SPINK13: variants seen among roughly 807,000 people sequenced by gnomAD.
SPINK13 encodes the protein serine peptidase inhibitor Kazal type 13, also known as serine protease inhibitor Kazal-type 13.
In SPINK13, 11 loss-of-function variants were observed where a neutral mutation model predicts 11.0. The observed-to-expected ratio is 1.00, with a 90% CI of 0.63 to 1.65. SPINK13 has a LOEUF of 1.65. Among genes scored for constraint, SPINK13 ranks in the 40% most tolerant of loss-of-function variants. The pLI, the probability that SPINK13 is intolerant of heterozygous loss-of-function variation, is 0.00. For missense variants in SPINK13, 113 were observed against 117.7 expected (o/e 0.96, Z 0.19); for synonymous variants, 31 against 35.6 (o/e 0.87, Z 0.46).
rs371124351 is a variant in SPINK13, at chr5:148,282,197, T to C, written c.202T>C (p.Phe68Leu). The C allele has an allele frequency of 1.2e-5, 20 of 1,614,100 alleles. No individual in the cohort carries two copies. The highest frequency in any genetic ancestry group is 1.7e-5 in the Non-Finnish European group (20 of 1,180,046). ...APVCASNGHT[F>L]QNECFFCVEQ... The stretch of plus-strand genomic sequence containing the variant: ...TGTTTGTGCCTCAAATGGCCACACT[T>C]TCCAGAATGAGTGTTTCTTTTGTGT... Residue 68 changes from phenylalanine (F) to leucine (L), a missense_variant, in exon 4 of 5, where the codon TTC (phenylalanine) becomes CTC (leucine). Coordinates refer to ENST00000398450, the MANE Select transcript of SPINK13 (RefSeq NM_001040129.3).
At chr5:148,282,323 G>A in intron 4 of SPINK13, 92 bp downstream of exon 4, 1 of 1,469,098 alleles carries the variant, frequency 6.8e-7, no homozygotes, top group Admixed American at 2.1e-5. Context: ...TTTTACTGAT[G>A]CATACTTTTT....
At chr5:148,285,960 T>A (rs376107635) in intron 4 of SPINK13, 40 bp from the exon 5 acceptor site, 2 of 1,240,642 alleles carry the variant, frequency 1.6e-6, no homozygotes, top group Admixed American at 4.8e-5. Flanking sequence ...ATGTTCACTT[T>A]CCTTATGATA....
At chr5:148,276,905 T>G (rs1245456468) in intron 3 of SPINK13, among the ~76,000 whole-genome samples, 1 of 152,236 alleles carries the variant, frequency 6.6e-6, no homozygotes. Flanking sequence ...TTCCTATCCA[T>G]GAGTATGGGA....
intron 3 of SPINK13, among the ~76,000 whole-genome samples, chr5:148,276,535 C>T (rs1756432279): frequency 6.6e-6 from 1 of 152,178 alleles, no homozygotes; most frequent in South Asian, 2.1e-4. Context: ...GTTTTCCCAA[C>T]ACCATTTATT....
intron 3 of SPINK13, 35 bp from the exon 4 acceptor site, chr5:148,282,069 A>T (rs1756523663): frequency 6.2e-7 from 1 of 1,610,738 alleles, no homozygotes; most frequent in Non-Finnish European, 8.5e-7. Context: ...GAGAGAGTGT[A>T]TTATTTGTCA....
chr5:148,275,592 C>T (rs1756413250), intron 3 of SPINK13, among the ~76,000 whole-genome samples: 1 of 152,138 alleles, frequency 6.6e-6, no homozygotes, highest in Non-Finnish European at 1.5e-5. Context: ...CTAATTTACA[C>T]TCCCACCAAC....
chr5:148,272,824 TTATTC>T (rs1756370433), intron 2 of SPINK13, among the ~76,000 whole-genome samples: 1 of 152,228 alleles, frequency 6.6e-6, no homozygotes, highest in Admixed American at 6.5e-5. Context: ...CTATATATTC[TTATTC>T]TAAAGACAAA....
At chr5:148,280,101 T>A (rs1835913) in intron 3 of SPINK13, among the ~76,000 whole-genome samples, 8,576 of 152,160 alleles carry the variant, frequency 0.056, 795 homozygotes, top group African/African-American at 0.2. Context: ...GTATGCTTCA[T>A]GAAGTTCTCA....
intron 3 of SPINK13, among the ~76,000 whole-genome samples, chr5:148,276,491 G>T (rs1346008527): frequency 6.6e-6 from 1 of 152,086 alleles, no homozygotes; most frequent in East Asian, 1.9e-4. Context: ...GTAAGGAAGG[G>T]GTCCAGTTTC....
At chr5:148,272,447 C>A (rs183911564) in intron 2 of SPINK13, among the ~76,000 whole-genome samples, 1 of 152,066 alleles carries the variant, frequency 6.6e-6, no homozygotes, top group East Asian at 1.9e-4. Context: ...TTCCAGAAGC[C>A]CAATTGTTTT....
chr5:148,269,804 C>T (rs1460666279), intron 1 of SPINK13, among the ~76,000 whole-genome samples: 1 of 151,816 alleles, frequency 6.6e-6, no homozygotes, highest in East Asian at 1.9e-4. Flanking sequence ...TCTTCCAGGC[C>T]AGAACTGTGA....
intron 2 of SPINK13, among the ~76,000 whole-genome samples, chr5:148,271,666 C>CA (rs773877799): frequency 5.9e-4 from 89 of 152,050 alleles, no homozygotes; most frequent in Non-Finnish European, 1.0e-3. Flanking sequence ...CTGTTGGAGA[C>CA]GGAGTCTCAC....
At chr5:148,270,170 T>C (rs1756330089) in intron 2 of SPINK13, 28 bp downstream of exon 2, 1 of 1,600,218 alleles carries the variant, frequency 6.2e-7, no homozygotes, top group Non-Finnish European at 8.5e-7. Context: ...TTTTGGGAGA[T>C]AAACTCTGAT....
intron 3 of SPINK13, among the ~76,000 whole-genome samples, chr5:148,278,360 T>G (rs957056737): frequency 8.5e-5 from 13 of 152,346 alleles, no homozygotes; most frequent in African/African-American, 3.1e-4. Flanking sequence ...AGTTTTGATG[T>G]TAAGGTGTCG....
intron 4 of SPINK13, among the ~76,000 whole-genome samples, chr5:148,283,573 G>T (rs944924699): frequency 6.6e-6 from 1 of 152,144 alleles, no homozygotes; most frequent in Non-Finnish European, 1.5e-5. Context: ...TAATTGAAAT[G>T]TCCTTTAAAG....
At chr5:148,282,502 G>A (rs1465379652) in intron 4 of SPINK13, among the ~76,000 whole-genome samples, 6 of 152,082 alleles carry the variant, frequency 3.9e-5, no homozygotes, top group African/African-American at 9.7e-5. Flanking sequence ...TAGGTAATCT[G>A]TAGATTATAT....
rs1360032283 is a variant in SPINK13, at chr5:148,284,118, CTT to C, written c.237-1880_237-1879del. Reference sequence around the variant, plus strand: ...CTTTCCTTCCTTCCTCCCTCCCTCCCTTTCCTTCCTCTCTTCCTTCATCAATT... The same window carrying C: ...CTTTCCTTCCTTCCTCCCTCCCTCCCTCCTTCCTCTCTTCCTTCATCAATT... On this transcript the variant is annotated intron_variant, in intron 4 of 4. Coordinates refer to ENST00000398450, the MANE Select transcript of SPINK13 (RefSeq NM_001040129.3). 8.3e-4 allele frequency among the ~76,000 whole-genome samples: 117 copies of C among 140,188 alleles called. 1 individual carries two copies. Among genetic ancestry groups the C allele is most frequent in the African/African-American group, 3.7e-3 (117 of 31,258 alleles). The allele number at this position is 140,188 out of a possible 152,430, so 92.0% of individuals were successfully genotyped here. A position where few individuals can be genotyped will look rare whatever the true frequency, so the allele number is the denominator to read the frequency against.
intron 2 of SPINK13, among the ~76,000 whole-genome samples, chr5:148,271,685 C>T (rs908841359): frequency 6.6e-6 from 1 of 152,132 alleles, no homozygotes; most frequent in Non-Finnish European, 1.5e-5. Flanking sequence ...ACTCTGTCGC[C>T]CAGGCTGGAG....
intron 2 of SPINK13, chr5:148,270,703 A>G (rs1756337695): frequency 6.6e-6 from 1 of 152,438 alleles, no homozygotes; most frequent in Non-Finnish European, 1.5e-5. Context: ...GGCACAGGGG[A>G]CTTTGCAGAT....
Sources: allele counts gnomAD v4.1 joint callset (sites outside exome capture counted in the v4.1 genomes callset), GRCh38; gene constraint gnomAD v4.1.1; transcripts MANE v1.5; gene names NCBI Gene and HGNC (gene_info 2026-07-23, HGNC 2026-07-21).